Variants in TRAPPC10 observed in about 807,000 individuals in gnomAD.
TRAPPC10 encodes trafficking protein particle complex subunit 10.
A neutral mutation model predicts 125.5 loss-of-function variants in TRAPPC10; 23 were observed. The ratio of observed to expected loss-of-function variants is 0.18; its 90% confidence interval spans 0.13 to 0.26. TRAPPC10 has a LOEUF of 0.26. Ranked by LOEUF, TRAPPC10 falls within the 10% of genes least tolerant of loss-of-function variation. The probability of loss-of-function intolerance (pLI) is 1.00; values close to 1 mark genes in which losing one functional copy is unlikely to be tolerated. For synonymous variants in TRAPPC10, 509 were observed against 518.0 expected (o/e 0.98, Z 0.24); for missense variants, 1,123 against 1,308.4 (o/e 0.86, Z 2.19).
At chr21:44,062,358 AAAAGT>A (rs2036123712) in intron 6 of TRAPPC10, among the ~76,000 whole-genome samples, 3 of 152,232 alleles carry the variant, frequency 2.0e-5, no homozygotes, top group African/African-American at 7.2e-5. Context: ...ACAGGCACAG[AAAAGT>A]AAATCTATCA....
intron 2 of TRAPPC10, among the ~76,000 whole-genome samples, chr21:44,032,379 CTTTTTTTTTT>C (rs1200011844): frequency 3.7e-5 from 4 of 108,472 alleles, no homozygotes; most frequent in Non-Finnish European, 5.5e-5. Flanking sequence ...CCATGGTTTT[CTTTTTTTTTT>C]TTTTTTTTTT....
At chr21:44,090,502 A>G (rs576092143) in intron 18 of TRAPPC10, among the ~76,000 whole-genome samples, 4 of 152,326 alleles carry the variant, frequency 2.6e-5, no homozygotes, top group Non-Finnish European at 5.9e-5. Flanking sequence ...TGGCAGCCAC[A>G]GATGTCTGTA....
Position 44,086,849 on chromosome 21 carries a change from A to G in TRAPPC10, c.2428A>G (p.Thr810Ala), listed in dbSNP as rs1449463499. 1 of 1,614,134 alleles carries G rather than the reference A, an allele frequency of 6.2e-7. No homozygotes were observed. Among genetic ancestry groups the G allele is most frequent in the East Asian group, 2.2e-5 (1 of 44,882 alleles). ...IPQRVKFTVT[T>A]GHYTIKNGDS... The stretch of plus-strand genomic sequence containing the variant: ...TCAGAGAGTCAAGTTCACTGTCACT[A>G]CCGGCCATTATACGATAAAGAATGG... Residue 810 changes from threonine (T) to alanine (A), a missense_variant, in exon 16 of 23, where the codon ACC becomes GCC. Physicochemically the swap from Thr to Ala is moderately conservative, Grantham distance 58. Coordinates refer to ENST00000291574, the MANE Select transcript of TRAPPC10 (RefSeq NM_003274.5).
chr21:44,019,239 G>T (rs775893280), intron 1 of TRAPPC10, among the ~76,000 whole-genome samples: 25 of 152,124 alleles, frequency 1.6e-4, no homozygotes, highest in Non-Finnish European at 3.2e-4. Flanking sequence ...CAGTAGAGAT[G>T]GGGTTTCGCC....
intron 9 of TRAPPC10, among the ~76,000 whole-genome samples, chr21:44,075,673 A>T (rs780870323): frequency 1.3e-5 from 2 of 152,074 alleles, no homozygotes; most frequent in Non-Finnish European, 2.9e-5. Flanking sequence ...TTTTGTAGAG[A>T]TGGAGTCTCG....
At chr21:44,043,054 G>A (rs1374606081) in intron 3 of TRAPPC10, among the ~76,000 whole-genome samples, 1 of 151,942 alleles carries the variant, frequency 6.6e-6, no homozygotes, top group Non-Finnish European at 1.5e-5. Flanking sequence ...TAGCAAATTG[G>A]CCTAACACCA....
intron 1 of TRAPPC10, among the ~76,000 whole-genome samples, chr21:44,016,848 C>T (rs1385522967): frequency 3.9e-5 from 6 of 152,074 alleles, no homozygotes; most frequent in African/African-American, 7.2e-5. Flanking sequence ...TTAGTAGAGA[C>T]GGGGTTTCAC....
intron 1 of TRAPPC10, among the ~76,000 whole-genome samples, chr21:44,018,989 C>A (rs889948060): frequency 6.6e-6 from 1 of 152,158 alleles, no homozygotes; most frequent in South Asian, 2.1e-4. Context: ...GACCCTCCCA[C>A]CCCCGTGCTC....
At chr21:44,032,970 G>A (rs960217615) in intron 2 of TRAPPC10, among the ~76,000 whole-genome samples, 4 of 152,162 alleles carry the variant, frequency 2.6e-5, no homozygotes, top group Admixed American at 6.5e-5. Flanking sequence ...AATTAGGAGC[G>A]AGGTTAGATC....
chr21:44,079,686 A>G lies in TRAPPC10; in HGVS notation c.1592A>G (p.His531Arg). The stretch of plus-strand genomic sequence containing the variant: ...AAGCAGCTGGCCGAATGTCAAAAGC[A>G]CCTTGGACAAATTGAAAAGTATCCT... ...TRKQLAECQKHLGQIENYLQT... is the reference protein window; with the variant it reads ...TRKQLAECQKRLGQIENYLQT... Residue 531 changes from histidine (H) to arginine (R), a missense_variant, in exon 12 of 23, where the codon CAC becomes CGC. His to Arg is a conservative substitution (Grantham distance 29, BLOSUM62 0). Transcript: ENST00000291574. 6.2e-7 allele frequency: 1 copy of G among 1,605,600 alleles called. No individual in the cohort carries two copies. The highest frequency in any genetic ancestry group is 1.1e-5 in the South Asian group (1 of 88,896).
chr21:44,071,080 G>T (rs1242682050), intron 7 of TRAPPC10, among the ~76,000 whole-genome samples: 12 of 152,218 alleles, frequency 7.9e-5, no homozygotes, highest in Non-Finnish European at 1.2e-4. Flanking sequence ...ACTCAGCAAG[G>T]TTGAATCTTA....
intron 7 of TRAPPC10, among the ~76,000 whole-genome samples, chr21:44,064,157 A>G (rs1601717794): frequency 1.3e-5 from 2 of 152,270 alleles, no homozygotes; most frequent in East Asian, 3.9e-4. Flanking sequence ...TATTTCAGAC[A>G]CTTATGTCAT....
intron 3 of TRAPPC10, among the ~76,000 whole-genome samples, chr21:44,043,139 A>G (rs768077223): frequency 1.4e-4 from 21 of 151,688 alleles, no homozygotes; most frequent in South Asian, 4.2e-4. Context: ...TGTATGCACA[A>G]TATTCTAGAC....
chr21:44,035,770 T>C lies in TRAPPC10; in HGVS notation c.150-2022T>C, dbSNP rs1248219343. On this transcript the variant is annotated intron_variant, in intron 2 of 22. Coordinates refer to ENST00000291574, the MANE Select transcript of TRAPPC10 (RefSeq NM_003274.5). The stretch of plus-strand genomic sequence containing the variant: ...CCAGCCTGGGTGACAAGAGCAAAAC[T>C]CTGGCTCAAAAAATAAAATGAAATA... 2.0e-5 allele frequency among the ~76,000 whole-genome samples: 3 copies of C among 152,054 alleles called. No individual in the cohort carries two copies. The East Asian group carries it at 5.8e-4, about 29-fold the overall frequency.
intron 3 of TRAPPC10, among the ~76,000 whole-genome samples, chr21:44,044,853 T>C (rs1012394049): frequency 2.0e-5 from 3 of 151,738 alleles, no homozygotes; most frequent in African/African-American, 7.3e-5. Context: ...TTAGTAGAGA[T>C]GGGGTTTCTG....
At chr21:44,047,120 C>T (rs1459154773) in intron 3 of TRAPPC10, 1 of 559,740 alleles carries the variant, frequency 1.8e-6, no homozygotes, top group Non-Finnish European at 3.4e-6. Flanking sequence ...ACCACCTACT[C>T]CTTCGGCGCA....
intron 9 of TRAPPC10, among the ~76,000 whole-genome samples, chr21:44,075,425 C>G (rs1041348387): frequency 1.3e-5 from 2 of 151,964 alleles, no homozygotes; most frequent in African/African-American, 4.8e-5. Flanking sequence ...AGCTCATGTT[C>G]AAATGCACCA....
At chr21:44,026,483 A>C (rs1310367521) in intron 1 of TRAPPC10, among the ~76,000 whole-genome samples, 1 of 152,204 alleles carries the variant, frequency 6.6e-6, no homozygotes, top group Admixed American at 6.5e-5. Flanking sequence ...AAAGCCATTG[A>C]AGAGAAATGA....
chr21:44,054,921 T>C (rs1416591253), intron 4 of TRAPPC10, among the ~76,000 whole-genome samples: 1 of 152,128 alleles, frequency 6.6e-6, no homozygotes, highest in African/African-American at 2.4e-5. Flanking sequence ...GGAAGGAATG[T>C]TCTCATGAAG....
Sources: gnomAD v4.1 joint callset for allele counts (sites outside exome capture counted in the v4.1 genomes callset) on GRCh38, gnomAD v4.1.1 for gene constraint, MANE v1.5 for transcripts, NCBI Gene and HGNC (gene_info 2026-07-23, HGNC 2026-07-21) for gene names.